PTK2: variants seen among roughly 807,000 people sequenced by gnomAD.
PTK2 encodes protein tyrosine kinase 2, also known as focal adhesion kinase 1.
Under a neutral mutation model 150.1 loss-of-function variants are expected in PTK2, and 45 were observed. That is an observed-to-expected ratio of 0.30 (90% confidence interval 0.24 to 0.38). The LOEUF (loss-of-function observed/expected upper bound fraction) is 0.38. Ranked by LOEUF, PTK2 falls within the 10% of genes least tolerant of loss-of-function variation. The pLI is 1.00. For synonymous variants in PTK2, 432 were observed against 449.2 expected (o/e 0.96, Z 0.48); for missense variants, 919 against 1,307.3 (o/e 0.70, Z 4.58).
chr8:140,665,103 T>G, intron 30 of PTK2, 106 bp from the exon 35 acceptor site: 1 of 1,044,860 alleles, frequency 9.6e-7, no homozygotes, highest in East Asian at 2.6e-5. Flanking sequence ...AAGGCAAATT[T>G]CTGTATTTCT....
At chr8:140,707,415 G>A (rs185005682) in intron 23 of PTK2, among the ~76,000 whole-genome samples, 77 of 152,286 alleles carry the variant, frequency 5.1e-4, no homozygotes, top group African/African-American at 1.5e-3. Flanking sequence ...ACATCGAATT[G>A]TACAATTTAT....
chr8:140,925,725 A>G (rs2100169198), exon 2 of PTK2: 2 of 924,928 alleles, frequency 2.2e-6, no homozygotes, highest in South Asian at 5.0e-5. Flanking sequence ...TGTAACTGGA[A>G]GATGCAAGGG....
chr8:140,894,289 A>G (rs1448226), intron 2 of PTK2, among the ~76,000 whole-genome samples: 62,826 of 152,068 alleles, frequency 0.41, 14,850 homozygotes, highest in Non-Finnish European at 0.54. Flanking sequence ...CCACCATGCT[A>G]TCACTCTGAT....
chr8:140,859,319 G>A (rs1252185502), intron 5 of PTK2, among the ~76,000 whole-genome samples: 1 of 152,178 alleles, frequency 6.6e-6, no homozygotes, highest in Non-Finnish European at 1.5e-5. Flanking sequence ...AGGAACATGG[G>A]ACAGGGAAGT....
At chr8:140,890,338 T>C (rs1172742178) in intron 3 of PTK2, 5 of 478,922 alleles carry the variant, frequency 1.0e-5, no homozygotes, top group Non-Finnish European at 1.8e-5. Flanking sequence ...ATTCAGTCAT[T>C]ATTTTTCTAA....
chr8:140,664,525 T>G (rs1216836204), intron 31 of PTK2, among the ~76,000 whole-genome samples: 2 of 152,222 alleles, frequency 1.3e-5, no homozygotes, highest in African/African-American at 4.8e-5. Flanking sequence ...AAGCAGACCA[T>G]GCACAATGCC....
intron 14 of PTK2, among the ~76,000 whole-genome samples, chr8:140,777,815 G>A (rs2100079303): frequency 6.6e-6 from 1 of 152,134 alleles, no homozygotes; most frequent in Admixed American, 6.6e-5. Context: ...TCAGATCAGG[G>A]TAATGCTACC....
chr8:140,934,785 C>G (rs990153248), intron 1 of PTK2, among the ~76,000 whole-genome samples: 1 of 152,226 alleles, frequency 6.6e-6, no homozygotes, highest in South Asian at 2.1e-4. Flanking sequence ...TTCTGACCAT[C>G]TGTTGTTATA....
chr8:140,707,146 A>C (rs373408777), intron 23 of PTK2, among the ~76,000 whole-genome samples: 1 of 152,254 alleles, frequency 6.6e-6, no homozygotes, highest in East Asian at 1.9e-4. Flanking sequence ...GGAAAGATTA[A>C]TATAGATAGC....
chr8:140,994,650 G>A (rs370758581), intron 1 of PTK2, among the ~76,000 whole-genome samples: 1 of 152,064 alleles, frequency 6.6e-6, no homozygotes, highest in African/African-American at 2.4e-5. Context: ...AGTGGTCTTC[G>A]ATGTTACTAC....
At chr8:140,715,211 C>T (rs72681711) in intron 23 of PTK2, among the ~76,000 whole-genome samples, 5,096 of 109,262 alleles carry the variant, frequency 0.047, 174 homozygotes, top group Non-Finnish European at 0.061. Context: ...CTCACTTTAT[C>T]GCCCAAACTA....
chr8:140,946,060 G>A (rs2100177594), intron 1 of PTK2, among the ~76,000 whole-genome samples: 1 of 152,174 alleles, frequency 6.6e-6, no homozygotes. Context: ...TCTCTAGACT[G>A]AAGCAGGGAA....
At chr8:140,944,483 GTCT>G (rs1569329750) in intron 1 of PTK2, among the ~76,000 whole-genome samples, 1 of 152,180 alleles carries the variant, frequency 6.6e-6, no homozygotes, top group Non-Finnish European at 1.5e-5. Context: ...ATCTTGGACT[GTCT>G]TCTTAACTTC....
At chr8:140,713,272 G>A (rs1049383372) in intron 23 of PTK2, among the ~76,000 whole-genome samples, 4 of 152,120 alleles carry the variant, frequency 2.6e-5, no homozygotes, top group Admixed American at 2.6e-4. Context: ...ACATCCTTTT[G>A]TTTTTTGAGA....
chr8:140,841,300 T>C (rs1473081213), intron 7 of PTK2, among the ~76,000 whole-genome samples: 2 of 152,082 alleles, frequency 1.3e-5, no homozygotes, highest in Non-Finnish European at 2.9e-5. Context: ...TTTTTGAAAC[T>C]TTTTCATGAT....
intron 8 of PTK2, among the ~76,000 whole-genome samples, chr8:140,822,649 A>C (rs1177753567): frequency 6.6e-6 from 1 of 152,152 alleles, no homozygotes; most frequent in Non-Finnish European, 1.5e-5. Flanking sequence ...AGGAAGAAAC[A>C]ACCACCACAT....
chr8:140,988,432 T>C (rs529151510), intron 1 of PTK2, among the ~76,000 whole-genome samples: 1 of 152,106 alleles, frequency 6.6e-6, no homozygotes, highest in Non-Finnish European at 1.5e-5. Flanking sequence ...ACACAGAGTC[T>C]ACAAGACACC....
intron 1 of PTK2, among the ~76,000 whole-genome samples, chr8:140,936,234 G>A (rs1055700829): frequency 3.9e-5 from 6 of 152,174 alleles, no homozygotes; most frequent in African/African-American, 4.8e-5. Flanking sequence ...AAAATCAATT[G>A]TGGGAAAACA....
At chr8:140,861,181 AC>A (rs1194960300) in intron 5 of PTK2, among the ~76,000 whole-genome samples, 2 of 151,978 alleles carry the variant, frequency 1.3e-5, no homozygotes, top group Non-Finnish European at 2.9e-5. Flanking sequence ...CCCCATCTCT[AC>A]AAAAGACTTT....
Sources: allele counts gnomAD v4.1 joint callset (sites outside exome capture counted in the v4.1 genomes callset), GRCh38; gene constraint gnomAD v4.1.1; transcripts MANE v1.5; gene names NCBI Gene and HGNC (gene_info 2026-07-23, HGNC 2026-07-21).